The following GAMT variants were observed in gnomAD, a reference collection of about 807,000 sequenced individuals.
GAMT encodes epididymis secretory protein Li 20.
In GAMT, 26 loss-of-function variants were observed where a neutral mutation model predicts 26.9. The ratio of observed to expected loss-of-function variants is 0.97; its 90% CI spans 0.71 to 1.34. The LOEUF (loss-of-function observed/expected upper bound fraction) is 1.34, where lower values mean the gene tolerates loss of function less well. GAMT is among the 40% of genes most tolerant of loss of function. The probability of loss-of-function intolerance (pLI) is 0.00; values close to 1 mark genes in which losing one functional copy is unlikely to be tolerated. For synonymous variants in GAMT, 169 were observed against 149.6 expected (o/e 1.13, Z -0.95); for missense variants, 412 against 345.0 (o/e 1.19, Z -1.54).
chr19:1,400,019 A>G, intron 1 of GAMT, 81 bp from the exon 2 acceptor site: 1 of 1,467,842 alleles, frequency 6.8e-7, no homozygotes, highest in Non-Finnish European at 9.1e-7. Context: ...AGGGCAGGGC[A>G]GGGCTGGGGA....
rs200444143 is a variant in GAMT at position 1,398,965 on chromosome 19, C to T, written c.521G>A (p.Trp174Ter). ...GVLTYCNLTSWGELMKSKYSD... is the reference protein window; with the variant it reads ...GVLTYCNLTS ...GTACTTGGACTTCATCAGCTCCCCC[C>T]AGGAGGTGAGGTTGCAGTAGGTGAG... Residue 174 changes from tryptophan (W) to a stop codon, truncating the protein, a stop_gained, in exon 5 of 6, where the codon TGG (tryptophan) becomes TAG (stop). Coordinates refer to ENST00000252288, the MANE Select transcript of GAMT (RefSeq NM_000156.6). LOFTEE classifies it high-confidence loss of function. 3.7e-6 allele frequency: 6 copies of T among 1,613,352 alleles called. No individual in the cohort carries two copies. Among genetic ancestry groups the T allele is most frequent in the South Asian group, 2.2e-5 (2 of 91,090 alleles).
rs202199674 is a variant in GAMT at position 1,398,977 on chromosome 19, T to A, written c.509A>T (p.Asn170Ile). The A allele has an allele frequency of 6.2e-7, 1 of 1,613,024 alleles. No individual in the cohort carries two copies. Among genetic ancestry groups the A allele is most frequent in the Admixed American group, 1.7e-5 (1 of 59,970 alleles). Residue 170 changes from asparagine to isoleucine, a missense_variant, in exon 5 of 6, where the codon AAC (asparagine) becomes ATC (isoleucine). Physicochemically the swap from Asn to Ile is moderately radical, Grantham distance 149 (BLOSUM62 -3). Coordinates refer to ENST00000252288, the MANE Select transcript of GAMT (RefSeq NM_000156.6). ...LKPGGVLTYC[N>I]LTSWGELMKS... ...CATCAGCTCCCCCCAGGAGGTGAGG[T>A]TGCAGTAGGTGAGGACGCCCCCCGG...
rs1288026270 is a variant in GAMT, at chr19:1,401,320, G to A, written c.157C>T (p.Leu53=). ...CCTTTGGAGGAGGCGGCGGCGGCCAGCGCGTGCATATAGGGGGTCTCCCAG... is the reference window on the plus strand; with the variant it reads ...CCTTTGGAGGAGGCGGCGGCGGCCAACGCGTGCATATAGGGGGTCTCCCAG... ...ERWETPYMHA[L]AAAASSKGGR... is the part of the protein sequence containing the mutation. The change falls in exon 1 of 6, where the codon CTG becomes TTG. Residue 53 remains leucine (L), a synonymous_variant. Transcript: ENST00000252288. The A allele has an allele frequency of 6.6e-7, 1 of 1,521,824 alleles. No homozygotes were observed. The allele number at this position is 1,521,824 out of a possible 1,614,324, so 94.3% of individuals were successfully genotyped here.
chr19:1,399,228 G>A lies in GAMT; in HGVS notation c.392-33C>T. The stretch of plus-strand genomic sequence containing the variant: ...GAGAACAGAAGCCCACGCGGTCAGG[G>A]CCGGGCTCAGCGCCTCACCCAGCCT... On this transcript the variant is annotated intron_variant, in intron 3 of 5. Transcript: ENST00000252288. This position sits in a 1 kb window ranked among gnomAD's most constrained non-coding sequence, Gnocchi z 6.2. 6.2e-7 allele frequency: 1 copy of A among 1,609,436 alleles called. No homozygotes were observed. The highest frequency in any genetic ancestry group is 8.5e-7 in the Non-Finnish European group (1 of 1,176,678).
rs753198836 is a variant in GAMT, at chr19:1,399,587, C to A, written c.328G>T (p.Val110Phe). The A allele has an allele frequency of 7.4e-6, 12 of 1,612,222 alleles. No homozygotes were observed. The highest frequency in any genetic ancestry group is 9.3e-6 in the Non-Finnish European group (11 of 1,179,478). Residue 110 changes from valine to phenylalanine, a missense_variant and splice_region_variant, in exon 3 of 6, where the codon GTC (valine) becomes TTC (phenylalanine). Physicochemically the swap from Val to Phe is conservative, Grantham distance 50. Transcript: ENST00000252288. This position sits in a 1 kb window ranked among gnomAD's most constrained non-coding sequence, Gnocchi z 6.2. ...RDWAPRQTHK[V>F]IPLKGLWEDV... ...TCCCACAGGCCTTTCAAGGGGATGACCTTGCAGAGGGGAAAAGAAAAAGAG... is the reference window on the plus strand; with the variant it reads ...TCCCACAGGCCTTTCAAGGGGATGAACTTGCAGAGGGGAAAAGAAAAAGAG...
chr19:1,399,169 A>T lies in GAMT; in HGVS notation c.418T>A (p.Ser140Thr), dbSNP rs2082618550. Residue 140 changes from serine (S) to threonine (T), a missense_variant, in exon 4 of 6, where the codon TCG (serine) becomes ACG (threonine). Coordinates refer to ENST00000252288, the MANE Select transcript of GAMT (RefSeq NM_000156.6). This position sits in a 1 kb window ranked among gnomAD's most constrained non-coding sequence, Gnocchi z 6.2. Reference sequence around the variant, plus strand: ...TGGTGTGTGTGCCAGGTCTCCTCCGAGAGTGGGTACGTGTCGTACAGGATC... The same window carrying T: ...TGGTGTGTGTGCCAGGTCTCCTCCGTGAGTGGGTACGTGTCGTACAGGATC... ...DGILYDTYPLSEETWHTHQFN... is the reference protein window; with the variant it reads ...DGILYDTYPLTEETWHTHQFN... 6.2e-7 allele frequency: 1 copy of T among 1,613,734 alleles called. No individual in the cohort carries two copies. Among genetic ancestry groups the T allele is most frequent in the Admixed American group, 1.7e-5 (1 of 60,030 alleles).
chr19:1,399,005 T>A lies in GAMT; in HGVS notation c.481A>T (p.Lys161Ter), dbSNP rs1057524499. ...CAGTAGGTGAGGACGCCCCCCGGCT[T>A]CAGCAGGCGAAAGGCGTGGTTCTGT... ...FIKNHAFRLLKPGGVLTYCNL... is the reference protein window; with the variant it reads ...FIKNHAFRLL Residue 161 changes from lysine (K) to a stop codon, truncating the protein, a stop_gained, in exon 5 of 6, where the codon AAG becomes TAG. Coordinates refer to ENST00000252288, the MANE Select transcript of GAMT (RefSeq NM_000156.6). LOFTEE classifies it high-confidence loss of function. The surrounding 1 kb of genome is among the most constrained non-coding windows in gnomAD (Gnocchi z 6.2). The A allele has an allele frequency of 7.4e-6, 12 of 1,613,300 alleles. No homozygotes were observed. The highest frequency in any genetic ancestry group is 1.3e-5 in the African/African-American group (1 of 74,906).
chr19:1,399,621 G>A lies in GAMT; in HGVS notation c.328-34C>T. 6.3e-7 allele frequency: 1 copy of A among 1,599,148 alleles called. No homozygotes were observed. Among genetic ancestry groups the A allele is most frequent in the Non-Finnish European group, 8.5e-7 (1 of 1,171,536 alleles). On this transcript the variant is annotated intron_variant, in intron 2 of 5. Coordinates refer to ENST00000252288, the MANE Select transcript of GAMT (RefSeq NM_000156.6). This position sits in a 1 kb window ranked among gnomAD's most constrained non-coding sequence, Gnocchi z 6.2. ...GGGGAAAAGAAAAAGAGAGGACAGG[G>A]TAGAGAGGTCCCCAGGATCTCCCCA...
At chr19:1,397,628 C>T (rs977085413) in intron 5 of GAMT, 129 bp from the exon 6 acceptor site, 26 of 1,453,964 alleles carry the variant, frequency 1.8e-5, no homozygotes, top group African/African-American at 1.1e-4. Flanking sequence ...CCCGTGGGCA[C>T]GTGGCAGGGC....
chr19:1,397,500 C>T lies in GAMT; in HGVS notation c.571-1G>A. On this transcript the variant is annotated splice_acceptor_variant, in intron 5 of 5. Coordinates refer to ENST00000252288, the MANE Select transcript of GAMT (RefSeq NM_000156.6). LOFTEE classifies it high-confidence loss of function. ...CCAGCAGCGCGGGCACCTGCGTCTC[C>T]TGGTCGGGGATGGCACCAGGTCACC... 6.2e-7 allele frequency: 1 copy of T among 1,602,876 alleles called. No homozygotes were observed. The highest frequency in any genetic ancestry group is 1.3e-5 in the African/African-American group (1 of 75,060).
At position 1,397,097 on chromosome 19, in the gene GAMT, G is replaced by T. The variant is rs1248892644; in HGVS notation, c.*262C>A. On this transcript the variant is annotated 3_prime_UTR_variant, in exon 6 of 6. Coordinates refer to ENST00000252288, the MANE Select transcript of GAMT (RefSeq NM_000156.6). ...AAGTAACAGTCGCACGCTCACTGCC[G>T]ACTGGCCAAGCCCAGCGCCGGCGTT... 2 of 504,224 alleles carry T rather than the reference G, an allele frequency of 4.0e-6. No individual in the cohort carries two copies. The highest frequency in any genetic ancestry group is 1.9e-5 in the African/African-American group (1 of 52,158). 31.2% of individuals were successfully genotyped at this position (504,224 alleles called of 1,614,324 possible).
In GAMT at chr19:1,399,214, C is replaced by T. The variant is rs1031492095; in HGVS notation, c.392-19G>A. On this transcript the variant is annotated intron_variant, in intron 3 of 5. Transcript: ENST00000252288. This position sits in a 1 kb window ranked among gnomAD's most constrained non-coding sequence, Gnocchi z 6.2. ...AGGATCCCTGCACGGAGAACAGAAG[C>T]CCACGCGGTCAGGGCCGGGCTCAGC... The T allele has an allele frequency of 6.2e-7, 1 of 1,613,092 alleles. No homozygotes were observed. The highest frequency in any genetic ancestry group is 1.7e-5 in the Admixed American group (1 of 60,024).
Position 1,397,414 on chromosome 19 carries a change from T to C in GAMT, c.656A>G (p.Asp219Gly). Reference protein sequence around the residue: ...TEVMALVPPADCRYYAFPQMI... With the variant: ...TEVMALVPPAGCRYYAFPQMI... ...CTGTGGGAAGGCGTAGTAGCGGCAGTCGGCCGGTGGGACCAGCGCCATCAC... is the reference window on the plus strand; with the variant it reads ...CTGTGGGAAGGCGTAGTAGCGGCAGCCGGCCGGTGGGACCAGCGCCATCAC... Residue 219 changes from aspartate to glycine, a missense_variant, in exon 6 of 6, where the codon GAC becomes GGC. Asp to Gly is a moderately conservative substitution (Grantham distance 94, BLOSUM62 -1). Transcript: ENST00000252288. 6.2e-7 allele frequency: 1 copy of C among 1,611,128 alleles called. No individual in the cohort carries two copies. The highest frequency in any genetic ancestry group is 1.7e-4 in the Middle Eastern group (1 of 6,056).
At chr19:1,401,268 G>A in intron 1 of GAMT, 28 bp downstream of exon 1, 1 of 1,424,234 alleles carries the variant, frequency 7.0e-7, no homozygotes, top group Non-Finnish European at 9.2e-7. Flanking sequence ...TGCGCCCCCG[G>A]GGGCGGTGCA....
In GAMT at chr19:1,399,723, C is replaced by T; in HGVS notation, c.327+70G>A. ...TCCACCTCTGACAGCCCCAGGCCCC[C>T]AACCCCCAGGAAGCAGTGCCCTCAC... On this transcript the variant is annotated intron_variant, in intron 2 of 5. Transcript: ENST00000252288. The surrounding 1 kb of genome is among the most constrained non-coding windows in gnomAD (Gnocchi z 6.2). 2.6e-6 allele frequency: 4 copies of T among 1,531,080 alleles called. No individual in the cohort carries two copies. Among genetic ancestry groups the T allele is most frequent in the African/African-American group, 1.4e-5 (1 of 72,906 alleles). The allele number at this position is 1,531,080 out of a possible 1,614,324, so 94.8% of individuals were successfully genotyped here.
Position 1,399,532 on chromosome 19 carries a change from T to G in GAMT, c.383A>C (p.His128Pro), listed in dbSNP as rs1362701534. 6.2e-7 allele frequency: 1 copy of G among 1,612,898 alleles called. No homozygotes were observed. Among genetic ancestry groups the G allele is most frequent in the Admixed American group, 1.7e-5 (1 of 59,938 alleles). The change falls in exon 3 of 6, where the codon CAC becomes CCC. Residue 128 changes from histidine (H) to proline (P), a missense_variant. By Grantham distance (77) the His-to-Pro change is moderately conservative. Transcript: ENST00000252288. The surrounding 1 kb of genome is among the most constrained non-coding windows in gnomAD (Gnocchi z 6.2). ...GTCCCCTCACCCCTCACCATCAAAG[T>G]GACCGTCAGGCAGGGTGGGTGCCAC... ...EDVAPTLPDGHFDGILYDTYP... is the reference protein window; with the variant it reads ...EDVAPTLPDGPFDGILYDTYP...
At position 1,401,296 on chromosome 19, in the gene GAMT, CT is replaced by C; in HGVS notation, c.180del (p.Gly62AlafsTer52). 1.3e-6 allele frequency: 2 copies of C among 1,504,272 alleles called. No homozygotes were observed. The highest frequency in any genetic ancestry group is 1.8e-6 in the Non-Finnish European group (2 of 1,132,308). The allele number at this position is 1,504,272 out of a possible 1,614,324, so 93.2% of individuals were successfully genotyped here. A position where few individuals can be genotyped will look rare whatever the true frequency, so the allele number is the denominator to read the frequency against. On this transcript the variant is annotated frameshift_variant and splice_region_variant, in exon 1 of 6. Coordinates refer to ENST00000252288, the MANE Select transcript of GAMT (RefSeq NM_000156.6). LOFTEE classifies it high-confidence loss of function. ...MHALAAAASS[K>X]GGRVLEVGFG... ...GCGGTGCAGGCCGGGCGGGGGCTACCTTTGGAGGAGGCGGCGGCGGCCAGCG... is the reference window on the plus strand; with the variant it reads ...GCGGTGCAGGCCGGGCGGGGGCTACCTTGGAGGAGGCGGCGGCGGCCAGCG...
At chr19:1,398,550 C>T in intron 5 of GAMT, 3 of 620,810 alleles carry the variant, frequency 4.8e-6, no homozygotes, top group Non-Finnish European at 5.6e-6. Flanking sequence ...ATCCTCCTAC[C>T]TCAGCCTCCC....
Position 1,399,077 on chromosome 19 carries a change from G to A in GAMT, c.459+51C>T. ...CAGGACGGAGGTGGGGGTGTGGGCA[G>A]AGGGGCTTCCCCGAGGGCCTCCCGC... On this transcript the variant is annotated intron_variant, in intron 4 of 5. Transcript: ENST00000252288. The surrounding 1 kb of genome is among the most constrained non-coding windows in gnomAD (Gnocchi z 6.2). 1 of 1,613,380 alleles carries A rather than the reference G, an allele frequency of 6.2e-7. No individual in the cohort carries two copies. The highest frequency in any genetic ancestry group is 8.5e-7 in the Non-Finnish European group (1 of 1,179,994).
Sources: allele counts gnomAD v4.1 joint callset, GRCh38; gene constraint gnomAD v4.1.1; non-coding constraint Gnocchi (gnomAD v3.1); transcripts MANE v1.5; gene names NCBI Gene and HGNC (gene_info 2026-07-23, HGNC 2026-07-21).